Variants in VTI1A observed in about 807,000 individuals in gnomAD.
The protein encoded by VTI1A is vesicle transport through interaction with t-SNAREs 1A.
In VTI1A, 22 loss-of-function variants were observed where a neutral mutation model predicts 34.9. The observed-to-expected ratio is 0.63, with a 90% CI of 0.45 to 0.90. VTI1A has a LOEUF of 0.90. Among genes scored for constraint, VTI1A ranks in the 40% least tolerant of loss-of-function variants. The pLI is 0.00. For missense variants in VTI1A, 268 were observed against 275.6 expected (o/e 0.97, Z 0.20); for synonymous variants, 87 against 97.3 (o/e 0.89, Z 0.62).
At chr10:112,707,592 A>G (rs1849246679) in intron 7 of VTI1A, among the ~76,000 whole-genome samples, 1 of 152,132 alleles carries the variant, frequency 6.6e-6, no homozygotes, top group South Asian at 2.1e-4. Flanking sequence ...TCTGCCTCCC[A>G]AAGTGCTGGG....
At chr10:112,606,180 C>T (rs1231683909) in intron 5 of VTI1A, among the ~76,000 whole-genome samples, 1 of 151,920 alleles carries the variant, frequency 6.6e-6, no homozygotes, top group East Asian at 1.9e-4. Flanking sequence ...TGCACGCCAC[C>T]ACCCCTGGCT....
intron 7 of VTI1A, among the ~76,000 whole-genome samples, chr10:112,729,497 T>C (rs943600532): frequency 2.0e-5 from 3 of 152,218 alleles, no homozygotes; most frequent in Non-Finnish European, 4.4e-5. Context: ...AGGAACTGTC[T>C]CAATTTTACA....
intron 7 of VTI1A, among the ~76,000 whole-genome samples, chr10:112,733,773 A>ATTTTATTTTG (rs764240395): frequency 0.061 from 9,103 of 149,176 alleles, 575 homozygotes; most frequent in East Asian, 0.24. Context: ...ATTTTATTTT[A>ATTTTATTTTG]AGAGAGAGTT....
intron 3 of VTI1A, among the ~76,000 whole-genome samples, chr10:112,509,547 T>C (rs1385908856): frequency 6.6e-6 from 1 of 152,250 alleles, no homozygotes; most frequent in African/African-American, 2.4e-5. Flanking sequence ...TGTGAGACTC[T>C]GGAAGAGTTT....
At chr10:112,693,083 A>G (rs766845673) in intron 7 of VTI1A, among the ~76,000 whole-genome samples, 1 of 152,238 alleles carries the variant, frequency 6.6e-6, no homozygotes, top group Non-Finnish European at 1.5e-5. Flanking sequence ...ACTCTTAAGC[A>G]CTCAAACATA....
At chr10:112,618,512 T>TAGAGAGAGAG (rs1209394707) in intron 5 of VTI1A, among the ~76,000 whole-genome samples, 284 of 37,816 alleles carry the variant, frequency 7.5e-3, no homozygotes, top group Middle Eastern at 0.014. Context: ...TATATATATA[T>TAGAGAGAGAG]ATATATATAT....
chr10:112,723,469 C>T (rs2133944188), intron 7 of VTI1A, among the ~76,000 whole-genome samples: 1 of 152,278 alleles, frequency 6.6e-6, no homozygotes, highest in Non-Finnish European at 1.5e-5. Context: ...TAAGATCAGG[C>T]CATAGCTCTG....
intron 4 of VTI1A, among the ~76,000 whole-genome samples, chr10:112,531,452 CT>C (rs1484957792): frequency 2.1e-5 from 3 of 144,360 alleles, no homozygotes; most frequent in Non-Finnish European, 4.5e-5. Context: ...CTTTTGTTTA[CT>C]TGAATGAATA....
At chr10:112,842,161 C>T in the VTI1A span, among the ~76,000 whole-genome samples, 2 of 140,810 alleles carry the variant, frequency 1.4e-5, no homozygotes, top group East Asian at 2.2e-4. Flanking sequence ...CTCCCAGGTT[C>T]GCAGAAACAA....
At chr10:112,483,937 C>T (rs748014659) in intron 3 of VTI1A, among the ~76,000 whole-genome samples, 2 of 152,148 alleles carry the variant, frequency 1.3e-5, no homozygotes, top group African/African-American at 4.8e-5. Flanking sequence ...AATTTGGATC[C>T]AGGACTAGAA....
intron 5 of VTI1A, among the ~76,000 whole-genome samples, chr10:112,667,346 G>A (rs1847680064): frequency 6.6e-6 from 1 of 152,076 alleles, no homozygotes; most frequent in South Asian, 2.1e-4. Flanking sequence ...CACCTCCCAG[G>A]TAATGGGGAA....
chr10:112,725,944 G>A (rs948731112), intron 7 of VTI1A, among the ~76,000 whole-genome samples: 1 of 152,172 alleles, frequency 6.6e-6, no homozygotes, highest in African/African-American at 2.4e-5. Flanking sequence ...AGGATAAGAT[G>A]CCATAGGCTC....
At chr10:112,782,762 C>A (rs984377677) in intron 7 of VTI1A, among the ~76,000 whole-genome samples, 1 of 152,048 alleles carries the variant, frequency 6.6e-6, no homozygotes, top group South Asian at 2.1e-4. Flanking sequence ...TAGTTCATTC[C>A]AAAAATGGAT....
At chr10:112,502,576 G>A (rs1403939766) in intron 3 of VTI1A, among the ~76,000 whole-genome samples, 2 of 152,174 alleles carry the variant, frequency 1.3e-5, no homozygotes, top group Non-Finnish European at 2.9e-5. Context: ...ACATGACTGT[G>A]GACCCACTGT....
At chr10:112,779,178 G>A (rs527325755) in intron 7 of VTI1A, among the ~76,000 whole-genome samples, 1 of 152,294 alleles carries the variant, frequency 6.6e-6, no homozygotes, top group South Asian at 2.1e-4. Flanking sequence ...TCCAAGAGTA[G>A]AGGCCAGATA....
intron 5 of VTI1A, among the ~76,000 whole-genome samples, chr10:112,636,455 G>C (rs1846354243): frequency 6.6e-6 from 1 of 152,172 alleles, no homozygotes; most frequent in Non-Finnish European, 1.5e-5. Flanking sequence ...GCCGGGTGCA[G>C]TGGCTCATGC....
At chr10:112,743,525 T>G (rs959100446) in intron 7 of VTI1A, among the ~76,000 whole-genome samples, 38 of 152,164 alleles carry the variant, frequency 2.5e-4, no homozygotes, top group African/African-American at 8.4e-4. Flanking sequence ...CCATTAACTA[T>G]GAACAACATC....
At chr10:112,808,581 C>T (rs920537580) in intron 7 of VTI1A, among the ~76,000 whole-genome samples, 6 of 149,296 alleles carry the variant, frequency 4.0e-5, no homozygotes, top group Non-Finnish European at 8.9e-5. Flanking sequence ...GCTGAGATTG[C>T]GCCACTGCAC....
At chr10:112,571,302 A>G (rs1373048532) in intron 5 of VTI1A, among the ~76,000 whole-genome samples, 1 of 152,204 alleles carries the variant, frequency 6.6e-6, no homozygotes, top group Non-Finnish European at 1.5e-5. Context: ...TATCTCATGT[A>G]TCCAGTGATT....
Sources: allele counts gnomAD v4.1 joint callset (sites outside exome capture counted in the v4.1 genomes callset), GRCh38; gene constraint gnomAD v4.1.1; transcripts MANE v1.5; gene names NCBI Gene and HGNC (gene_info 2026-07-23, HGNC 2026-07-21).